Variants in RGPD4 observed in about 807,000 individuals in gnomAD.
The protein encoded by RGPD4 is RANBP2 like and GRIP domain containing 4.
In RGPD4, 84 loss-of-function variants were observed where a neutral mutation model predicts 141.1. The ratio of observed to expected loss-of-function variants is 0.60; its 90% CI spans 0.50 to 0.71. RGPD4 has a LOEUF of 0.71. RGPD4 is among the 30% of genes least tolerant of loss of function. The pLI is 0.00. For missense variants in RGPD4, 918 were observed against 1,622.4 expected (o/e 0.57, Z 7.46); for synonymous variants, 298 against 566.8 (o/e 0.53, Z 6.74).
chr2:107,859,664 T>C (rs1682469037), intron 11 of RGPD4, 58 bp from the exon 12 acceptor site: 4 of 1,611,150 alleles, frequency 2.5e-6, no homozygotes, highest in East Asian at 2.2e-5. Context: ...CATATATGTA[T>C]GTAAGCGCTG....
Position 107,871,128 on chromosome 2 carries a change from G to T in RGPD4, c.3124G>T (p.Val1042Phe), listed in dbSNP as rs569175672. 63 of 1,610,862 alleles carry T rather than the reference G, an allele frequency of 3.9e-5. 3 individuals carry two copies. The African/African-American group carries it at 8.0e-4, about 20-fold the overall frequency. The stretch of plus-strand genomic sequence containing the variant: ...CGATGACATCCATTTTGAACCAGTA[G>T]TTCAAATGCCTGAAAAAGTAGAACT... ...DSDDIHFEPV[V>F]QMPEKVELVI... Residue 1042 changes from valine (V) to phenylalanine (F), a missense_variant, in exon 20 of 23, where the codon GTT becomes TTT. Coordinates refer to ENST00000408999, the MANE Select transcript of RGPD4 (RefSeq NM_182588.3).
At chr2:107,845,169 T>C (rs1681878843) in intron 6 of RGPD4, among the ~76,000 whole-genome samples, 1 of 135,452 alleles carries the variant, frequency 7.4e-6, no homozygotes, top group Non-Finnish European at 1.6e-5. Context: ...GCCTCCTGAA[T>C]AGGTGGAACT....
chr2:107,827,403 G>C (rs1329275439), intron 1 of RGPD4, among the ~76,000 whole-genome samples: 1 of 75,012 alleles, frequency 1.3e-5, no homozygotes, highest in African/African-American at 6.4e-5. Context: ...CTGTTGAGGC[G>C]GCGGCCTCGA....
rs1233850404 is a variant in RGPD4, at chr2:107,831,410, T to C, written c.72+4325T>C. ...GCATAAATGATCCTCCTACCTCTGT[T>C]TCCTGAGTACTTAGGACTACAGGCA... On this transcript the variant is annotated intron_variant, in intron 1 of 22. Coordinates refer to ENST00000408999, the MANE Select transcript of RGPD4 (RefSeq NM_182588.3). Among the ~76,000 whole-genome samples the C allele has an allele frequency of 1.2e-3, 178 of 145,670 alleles. 2 individuals are homozygous for C. Among genetic ancestry groups the C allele is most frequent in the Middle Eastern group, 3.5e-3 (1 of 284 alleles).
At chr2:107,857,990 A>G (rs185050286) in intron 9 of RGPD4, among the ~76,000 whole-genome samples, 2 of 152,192 alleles carry the variant, frequency 1.3e-5, no homozygotes, top group East Asian at 3.9e-4. Context: ...CTTCGTCTCA[A>G]AAACAAAAAG....
At chr2:107,881,569 G>C (rs1209688506) in intron 21 of RGPD4, among the ~76,000 whole-genome samples, 1 of 151,156 alleles carries the variant, frequency 6.6e-6, no homozygotes, top group Non-Finnish European at 1.5e-5. Flanking sequence ...GCCTGCCTCA[G>C]CCTCCCAAAG....
intron 22 of RGPD4, among the ~76,000 whole-genome samples, chr2:107,883,372 C>T (rs1487825995): frequency 6.6e-6 from 1 of 151,538 alleles, no homozygotes; most frequent in Non-Finnish European, 1.5e-5. Flanking sequence ...TGGTTCATGC[C>T]TATAATCCCA....
chr2:107,880,233 A>G, intron 21 of RGPD4, 126 bp downstream of exon 21: 2 of 783,562 alleles, frequency 2.6e-6, no homozygotes, highest in South Asian at 3.5e-5. Flanking sequence ...TCTTTATATT[A>G]GATTCCTGAT....
chr2:107,880,978 A>T (rs879106289), intron 21 of RGPD4, among the ~76,000 whole-genome samples: 2 of 151,838 alleles, frequency 1.3e-5, no homozygotes, highest in Non-Finnish European at 2.9e-5. Context: ...CTCTACATAC[A>T]TTATTTAATC....
At position 107,859,820 on chromosome 2, in the gene RGPD4, A is replaced by G. The variant is rs1275979596; in HGVS notation, c.1733A>G (p.His578Arg). 3 of 1,604,250 alleles carry G rather than the reference A, an allele frequency of 1.9e-6. No individual in the cohort carries two copies. Among genetic ancestry groups the G allele is most frequent in the Middle Eastern group, 2.3e-4 (1 of 4,404 alleles). ...KHGLQPALLVHWAKCLQKMGS... is the reference protein window; with the variant it reads ...KHGLQPALLVRWAKCLQKMGS... Reference sequence around the variant, plus strand: ...GGCCTTCAACCTGCTCTGCTTGTACATTGGGCAAAATGCCTTCAGAAAATG... The same window carrying G: ...GGCCTTCAACCTGCTCTGCTTGTACGTTGGGCAAAATGCCTTCAGAAAATG... The change falls in exon 12 of 23, where the codon CAT becomes CGT. Residue 578 changes from histidine to arginine, a missense_variant. His to Arg is a conservative substitution (Grantham distance 29, BLOSUM62 0). Coordinates refer to ENST00000408999, the MANE Select transcript of RGPD4 (RefSeq NM_182588.3).
chr2:107,881,140 C>T (rs1302835948), intron 21 of RGPD4, among the ~76,000 whole-genome samples: 1 of 149,208 alleles, frequency 6.7e-6, no homozygotes, highest in East Asian at 2.0e-4. Flanking sequence ...CTATCCTTGT[C>T]AGATTATTTT....
chr2:107,870,957 C>T lies in RGPD4; in HGVS notation c.2953C>T (p.Gln985Ter), dbSNP rs1449352187. 1.9e-6 allele frequency: 3 copies of T among 1,609,806 alleles called. No homozygotes were observed. The highest frequency in any genetic ancestry group is 2.5e-6 in the Non-Finnish European group (3 of 1,179,306). Residue 985 changes from glutamine (Q) to a stop codon, truncating the protein, a stop_gained, in exon 20 of 23, where the codon CAG (glutamine) becomes TAG (stop). Transcript: ENST00000408999. LOFTEE classifies it high-confidence loss of function. The part of the protein sequence containing the change: ...VAKSTSGEGF[Q>*]FGKKDPNFKG... ...AAAATCAACTTCAGGAGAAGGATTT[C>T]AGTTTGGCAAAAAAGACCCCAATTT...
intron 6 of RGPD4, among the ~76,000 whole-genome samples, chr2:107,845,801 T>G (rs1681910522): frequency 6.6e-6 from 1 of 152,144 alleles, no homozygotes; most frequent in South Asian, 2.1e-4. Flanking sequence ...CCTGACCTCG[T>G]GATCTGCCCT....
rs1173554836 is a variant in RGPD4 at position 107,891,903 on chromosome 2, G to C, written c.*1172G>C. On this transcript the variant is annotated 3_prime_UTR_variant, in exon 23 of 23. Transcript: ENST00000408999. ...TTCCTCTGAATAACCTTAGGTGGTA[G>C]TGTTACTTGCCTTTGACACCTCTGC... Among the ~76,000 whole-genome samples the C allele has an allele frequency of 8.7e-6, 1 of 114,294 alleles. No individual in the cohort carries two copies. The highest frequency in any genetic ancestry group is 1.9e-5 in the Non-Finnish European group (1 of 52,140). 75.0% of individuals were successfully genotyped at this position (114,294 alleles called of 152,430 possible).
chr2:107,827,801 C>T (rs867138888), intron 1 of RGPD4, among the ~76,000 whole-genome samples: 64 of 19,108 alleles, frequency 3.3e-3, no homozygotes, highest in Admixed American at 4.7e-3. Context: ...GGCCTCGACC[C>T]GGCCCGGCGG....
chr2:107,830,491 G>A (rs1410697994), intron 1 of RGPD4, among the ~76,000 whole-genome samples: 1 of 152,228 alleles, frequency 6.6e-6, no homozygotes, highest in East Asian at 1.9e-4. Flanking sequence ...GTGGAGTGGT[G>A]GCAACATTTT....
At chr2:107,856,000 C>G (rs1293118843) in intron 8 of RGPD4, among the ~76,000 whole-genome samples, 41 of 121,464 alleles carry the variant, frequency 3.4e-4, no homozygotes, top group Non-Finnish European at 6.1e-4. Context: ...TTTTTGATTG[C>G]TTACTGTAAA....
At chr2:107,831,420 C>G (rs1343639635) in intron 1 of RGPD4, among the ~76,000 whole-genome samples, 2 of 145,856 alleles carry the variant, frequency 1.4e-5, no homozygotes, top group Admixed American at 1.4e-4. Context: ...TTCCTGAGTA[C>G]TTAGGACTAC....
At chr2:107,860,474 ACT>A (rs1486277540) in intron 12 of RGPD4, among the ~76,000 whole-genome samples, 10 of 126,916 alleles carry the variant, frequency 7.9e-5, no homozygotes, top group East Asian at 2.2e-4. Context: ...TACAAAAAAA[ACT>A]CTACTAAAAC....
Sources: allele counts gnomAD v4.1 joint callset (sites outside exome capture counted in the v4.1 genomes callset), GRCh38; gene constraint gnomAD v4.1.1; transcripts MANE v1.5; gene names NCBI Gene and HGNC (gene_info 2026-07-23, HGNC 2026-07-21).